DSG4: variants seen among roughly 807,000 people sequenced by gnomAD.
The protein encoded by DSG4 is desmoglein 4.
DSG4 carries 87 observed loss-of-function variants against 93.1 expected under a neutral mutation model. The observed-to-expected ratio is 0.93, with a 90% CI of 0.79 to 1.12. The LOEUF (loss-of-function observed/expected upper bound fraction) is 1.12, where lower values mean the gene tolerates loss of function less well. Among genes scored for constraint, DSG4 ranks in the 50% most tolerant of loss-of-function variants. DSG4 has a pLI of 0.00. For missense variants in DSG4, 1,373 were observed against 1,285.7 expected (o/e 1.07, Z -1.04); for synonymous variants, 432 against 452.9 (o/e 0.95, Z 0.59).
chr18:31,410,525 A>T (rs1200368532), intron 14 of DSG4, among the ~76,000 whole-genome samples: 2 of 151,484 alleles, frequency 1.3e-5, no homozygotes, highest in Non-Finnish European at 2.9e-5. Flanking sequence ...GTTTTTTTTT[A>T]AAGAGCTAAA....
At position 31,390,800 on chromosome 18, in the gene DSG4, T is replaced by C. The variant is rs1294848558; in HGVS notation, c.662T>C (p.Met221Thr). Residue 221 changes from methionine to threonine, a missense_variant, in exon 6 of 16, where the codon ATG becomes ACG. By Grantham distance (81) the Met-to-Thr change is moderately conservative. Coordinates refer to ENST00000308128, the MANE Select transcript of DSG4 (RefSeq NM_177986.5). ...LNRYTGEVCTMSSFLDREQHS... is the reference protein window; with the variant it reads ...LNRYTGEVCTTSSFLDREQHS... The stretch of plus-strand genomic sequence containing the variant: ...AGGTACACTGGAGAAGTCTGCACCA[T>C]GTCCAGTTTCTTGGACAGAGAGGTA... 4.3e-6 allele frequency: 7 copies of C among 1,613,568 alleles called. No individual in the cohort carries two copies. The highest frequency in any genetic ancestry group is 2.2e-5 in the East Asian group (1 of 44,870).
At chr18:31,412,577 C>T (rs2072506095) in intron 15 of DSG4, among the ~76,000 whole-genome samples, 1 of 152,220 alleles carries the variant, frequency 6.6e-6, no homozygotes, top group South Asian at 2.1e-4. Context: ...ACATGAATTT[C>T]ACCATGATTC....
At chr18:31,409,024 C>T (rs2072456357) in intron 12 of DSG4, among the ~76,000 whole-genome samples, 1 of 152,132 alleles carries the variant, frequency 6.6e-6, no homozygotes, top group Non-Finnish European at 1.5e-5. Flanking sequence ...TTAAGTGTAA[C>T]TGTAATAAGG....
At chr18:31,403,943 A>G (rs2072398115) in intron 11 of DSG4, among the ~76,000 whole-genome samples, 1 of 152,174 alleles carries the variant, frequency 6.6e-6, no homozygotes, top group African/African-American at 2.4e-5. Flanking sequence ...AATAAACAGA[A>G]CCCTTAACAA....
intron 13 of DSG4, 24 bp from the exon 14 acceptor site, chr18:31,409,721 T>G: frequency 1.9e-6 from 3 of 1,614,176 alleles, no homozygotes; most frequent in Non-Finnish European, 2.5e-6. Context: ...CGTTTGTTTT[T>G]AAAATGTTTA....
Position 31,392,258 on chromosome 18 carries a change from T to C in DSG4, c.923T>C (p.Leu308Ser). The C allele has an allele frequency of 6.2e-7, 1 of 1,613,842 alleles. No homozygotes were observed. Among genetic ancestry groups the C allele is most frequent in the Admixed American group, 1.7e-5 (1 of 59,992 alleles). Residue 308 changes from leucine to serine, a missense_variant, in exon 8 of 16, where the codon TTA (leucine) becomes TCA (serine). Physicochemically the swap from Leu to Ser is moderately radical, Grantham distance 145 (BLOSUM62 -2). Transcript: ENST00000308128. ...ACTGATAACTGGTTGGCTCAATATT[T>C]AATTCTCTCTGGAAATGATGGGAAT... ...EGTDNWLAQY[L>S]ILSGNDGNWF...
Position 31,403,634 on chromosome 18 carries a change from G to A in DSG4, c.1636G>A (p.Ala546Thr). The A allele has an allele frequency of 6.2e-7, 1 of 1,613,838 alleles. No homozygotes were observed. Among genetic ancestry groups the A allele is most frequent in the East Asian group, 2.2e-5 (1 of 44,860 alleles). ...CATGTGGGATGTCAGATCAACAAAT[G>A]GTAAGTGAAACGTAAGCTTGTTTTT... Reference protein sequence around the residue: ...ADMWDVRSTNATSAILTAKQV... With the variant: ...ADMWDVRSTNTTSAILTAKQV... Residue 546 changes from alanine to threonine, a missense_variant and splice_region_variant, in exon 11 of 16, where the codon GCT becomes ACT. Physicochemically the swap from Ala to Thr is moderately conservative, Grantham distance 58 (BLOSUM62 0). Transcript: ENST00000308128.
chr18:31,377,188 G>T lies in DSG4; in HGVS notation c.48+229G>T, dbSNP rs553997625. ...GCTGAATTAAATTTATATGCCCTCA[G>T]AGACATAATCTACTTCACTTTGAGT... On this transcript the variant is annotated intron_variant, in intron 1 of 15. Transcript: ENST00000308128. Among the ~76,000 whole-genome samples, 10 of 152,262 alleles carry T rather than the reference G, an allele frequency of 6.6e-5. No homozygotes were observed. In the East Asian group the frequency reaches 1.9e-3, roughly 29 times the overall value.
At position 31,406,244 on chromosome 18, in the gene DSG4, G is replaced by A. The variant is rs1276172771; in HGVS notation, c.1804G>A (p.Gly602Ser). Residue 602 changes from glycine to serine, a missense_variant, in exon 12 of 16, where the codon GGC (glycine) becomes AGC (serine). By Grantham distance (56) the Gly-to-Ser change is moderately conservative. Coordinates refer to ENST00000308128, the MANE Select transcript of DSG4 (RefSeq NM_177986.5). ...CATGTGCCTGGACTCTGGTGCCGCG[G>A]GCATCTACACAGAGGACATAACTGG... Reference protein sequence around the residue: ...NHMCLDSGAAGIYTEDITGDT... With the variant: ...NHMCLDSGAASIYTEDITGDT... The A allele has an allele frequency of 6.2e-7, 1 of 1,614,046 alleles. No individual in the cohort carries two copies. The highest frequency in any genetic ancestry group is 1.3e-5 in the African/African-American group (1 of 74,918).
At chr18:31,377,119 G>T (rs545199573) in intron 1 of DSG4, among the ~76,000 whole-genome samples, 160 bp downstream of exon 1, 2 of 152,088 alleles carry the variant, frequency 1.3e-5, no homozygotes, top group African/African-American at 2.4e-5. Context: ...AACTCTCTCC[G>T]CCTTGAGGAA....
intron 7 of DSG4, among the ~76,000 whole-genome samples, chr18:31,391,420 C>T (rs1156790366): frequency 2.6e-5 from 4 of 152,130 alleles, no homozygotes; most frequent in Non-Finnish European, 5.9e-5. Context: ...TCCAAACAAG[C>T]CTTCTCTGTG....
chr18:31,377,140 T>A (rs1229276593), intron 1 of DSG4, among the ~76,000 whole-genome samples, 181 bp downstream of exon 1: 1 of 152,162 alleles, frequency 6.6e-6, no homozygotes, highest in Non-Finnish European at 1.5e-5. Flanking sequence ...CAAAATGCCA[T>A]AGAGAAGCGG....
rs573669932 is a variant in DSG4, at chr18:31,412,903, G to T, written c.2431G>T (p.Val811Phe). ...CTTGCTCATTTATGACCACGAGGGAGTCGGGTCTCCCGTAGGCTCTATTGG... is the reference window on the plus strand; with the variant it reads ...CTTGCTCATTTATGACCACGAGGGATTCGGGTCTCCCGTAGGCTCTATTGG... ...DCLLIYDHEG[V>F]GSPVGSIGCC... Residue 811 changes from valine (V) to phenylalanine (F), a missense_variant, in exon 16 of 16, where the codon GTC becomes TTC. By Grantham distance (50) the Val-to-Phe change is conservative. Coordinates refer to ENST00000308128, the MANE Select transcript of DSG4 (RefSeq NM_177986.5). 240 of 1,614,210 alleles carry T rather than the reference G, an allele frequency of 1.5e-4. 5 individuals are homozygous for T. The South Asian group carries it at 2.6e-3, about 17-fold the overall frequency.
At chr18:31,412,561 G>A (rs1053701236) in intron 15 of DSG4, among the ~76,000 whole-genome samples, 5 of 152,176 alleles carry the variant, frequency 3.3e-5, no homozygotes, top group African/African-American at 1.2e-4. Flanking sequence ...TTCTCCATCT[G>A]TTCATACATG....
intron 6 of DSG4, 60 bp from the exon 7 acceptor site, chr18:31,391,018 T>A (rs2072242637): frequency 6.2e-7 from 1 of 1,604,052 alleles, no homozygotes. Flanking sequence ...TGGCATTGAA[T>A]GCATTGGATT....
chr18:31,411,593 T>C, intron 15 of DSG4, 145 bp downstream of exon 15: 2 of 1,043,712 alleles, frequency 1.9e-6, no homozygotes, highest in South Asian at 1.4e-5. Flanking sequence ...ATTTCACGTC[T>C]CCTTAAAACA....
chr18:31,383,193 T>C (rs1338014370), intron 1 of DSG4, among the ~76,000 whole-genome samples: 2 of 152,214 alleles, frequency 1.3e-5, no homozygotes, highest in Non-Finnish European at 2.9e-5. Context: ...GGTCATTCTA[T>C]TTGGATCAGA....
chr18:31,394,200 G>T (rs1398940792), intron 8 of DSG4, among the ~76,000 whole-genome samples: 5 of 152,112 alleles, frequency 3.3e-5, no homozygotes, highest in Admixed American at 3.3e-4. Context: ...CTAAAACCTA[G>T]AACATTTACT....
Position 31,413,232 on chromosome 18 carries a change from C to T in DSG4, c.2760C>T (p.Pro920=). ...GTAATGCTGATCCATGTGTGCAACC[C>T]ACTACAATTATTTTTGATCCTCAGC... The part of the protein sequence containing the change: ...TYGNADPCVQ[P]TTIIFDPQLA... Residue 920 remains proline (P), a synonymous_variant, in exon 16 of 16, where the codon CCC becomes CCT. Transcript: ENST00000308128. The T allele has an allele frequency of 6.2e-7, 1 of 1,614,096 alleles. No individual in the cohort carries two copies. The highest frequency in any genetic ancestry group is 1.3e-5 in the African/African-American group (1 of 75,022).
Sources: allele counts gnomAD v4.1 joint callset (sites outside exome capture counted in the v4.1 genomes callset), GRCh38; gene constraint gnomAD v4.1.1; transcripts MANE v1.5; gene names NCBI Gene and HGNC (gene_info 2026-07-23, HGNC 2026-07-21).